Variants in SCN10A observed in about 807,000 individuals in gnomAD.
SCN10A encodes sodium channel protein type 10 subunit alpha.
In SCN10A, 162 loss-of-function variants were observed where a neutral mutation model predicts 170.7. The observed-to-expected ratio is 0.95, with a 90% CI of 0.84 to 1.08. The LOEUF (loss-of-function observed/expected upper bound fraction) is 1.08. Among genes scored for constraint, SCN10A ranks in the 50% least tolerant of loss-of-function variants. The pLI is 0.00. For synonymous variants in SCN10A, 985 were observed against 904.6 expected, an observed-to-expected ratio of 1.09 and a Z score of -1.59; for missense variants, 2,527 against 2,436.9, an observed-to-expected ratio of 1.04 and a Z score of -0.78.
chr3:38,803,931 GCCACTATCAC>G (rs1406245975), intron 1 of SCN10A, among the ~76,000 whole-genome samples: 1 of 152,072 alleles, frequency 6.6e-6, no homozygotes, highest in East Asian at 1.9e-4. Flanking sequence ...TGTAGCCCAA[GCCACTATCAC>G]CCACTTCCAT....
At chr3:38,746,097 A>ATATATATC (rs1559439571) in intron 13 of SCN10A, among the ~76,000 whole-genome samples, 4 of 87,132 alleles carry the variant, frequency 4.6e-5, no homozygotes, top group Non-Finnish European at 1.0e-4. Flanking sequence ...ATATATATAT[A>ATATATATC]TATGCCATCT....
rs748779730 is a variant in SCN10A, at chr3:38,722,266, CACTGCTGA to C, written c.3491_3498del (p.Leu1164ArgfsTer6). The stretch of plus-strand genomic sequence containing the variant: ...ACTATGCCTCCCCTTACCAGAGATC[CACTGCTGA>C]GCAGGATCATGAAGATGATGAAGCT... On this transcript the variant is annotated frameshift_variant, in exon 20 of 28. Coordinates refer to ENST00000449082, the MANE Select transcript of SCN10A (RefSeq NM_006514.4). LOFTEE classifies it high-confidence loss of function. 16 of 1,613,636 alleles carry C rather than the reference CACTGCTGA, an allele frequency of 9.9e-6. No individual in the cohort carries two copies. The highest frequency in any genetic ancestry group is 1.4e-5 in the Non-Finnish European group (16 of 1,179,740).
intron 18 of SCN10A, among the ~76,000 whole-genome samples, chr3:38,724,891 A>G (rs2063435763): frequency 6.6e-6 from 1 of 152,154 alleles, no homozygotes; most frequent in South Asian, 2.1e-4. Flanking sequence ...GAGGTTTGGG[A>G]ACTGATCTTA....
At chr3:38,719,996 C>A (rs1173313765) in intron 20 of SCN10A, among the ~76,000 whole-genome samples, 1 of 152,244 alleles carries the variant, frequency 6.6e-6, no homozygotes, top group African/African-American at 2.4e-5. Context: ...GCTGGGGCAG[C>A]CCTCAGCCAG....
chr3:38,772,730 C>A lies in SCN10A; in HGVS notation c.471-1323G>T, dbSNP rs6767286. On this transcript the variant is annotated intron_variant, in intron 4 of 27. Transcript: ENST00000449082. ...ACAGCAACAACAACAACAACAAAAA[C>A]AAAAACAAAAAAAAAAAAACCTGTA... Among the ~76,000 whole-genome samples the A allele has an allele frequency of 6.9e-3, 657 of 95,314 alleles. 9 individuals carry two copies. The highest frequency in any genetic ancestry group is 0.049 in the East Asian group (118 of 2,430). 62.5% of individuals were successfully genotyped at this position (95,314 alleles called of 152,430 possible).
intron 5 of SCN10A, among the ~76,000 whole-genome samples, chr3:38,767,560 T>C (rs1385596416): frequency 6.6e-6 from 1 of 152,100 alleles, no homozygotes; most frequent in Non-Finnish European, 1.5e-5. Context: ...AGGGTTTCTT[T>C]TGGAGTTAAC....
chr3:38,779,827 A>C (rs952397659), intron 4 of SCN10A, among the ~76,000 whole-genome samples: 3 of 151,832 alleles, frequency 2.0e-5, no homozygotes, highest in African/African-American at 7.3e-5. Flanking sequence ...TCATTTCATT[A>C]AATTTGGTTA....
At chr3:38,748,206 C>A (rs2063712562) in intron 13 of SCN10A, among the ~76,000 whole-genome samples, 1 of 151,930 alleles carries the variant, frequency 6.6e-6, no homozygotes, top group Non-Finnish European at 1.5e-5. Flanking sequence ...CCTATCTGGC[C>A]AAGAAAGAAA....
intron 25 of SCN10A, among the ~76,000 whole-genome samples, chr3:38,708,095 G>A (rs144106464): frequency 2.3e-4 from 35 of 152,262 alleles, no homozygotes; most frequent in African/African-American, 7.5e-4. Context: ...ACATGTTTAT[G>A]TAAGTTAGTC....
intron 13 of SCN10A, among the ~76,000 whole-genome samples, chr3:38,745,952 T>G (rs2063681434): frequency 6.6e-6 from 1 of 151,166 alleles, no homozygotes. Context: ...CTTCTCTTCT[T>G]ACTTCAACCC....
intron 22 of SCN10A, among the ~76,000 whole-genome samples, chr3:38,712,778 C>T (rs1040961531): frequency 6.6e-6 from 1 of 152,088 alleles, no homozygotes; most frequent in Non-Finnish European, 1.5e-5. Context: ...GACTTATTCT[C>T]CTTAAATACC....
chr3:38,795,370 T>C (rs11709828), intron 1 of SCN10A, among the ~76,000 whole-genome samples: 16,328 of 136,506 alleles, frequency 0.12, 1,133 homozygotes, highest in Middle Eastern at 0.22. Context: ...TGAGACAGGG[T>C]ATCACTGTCA....
At chr3:38,727,087 T>A (rs762493123) in intron 16 of SCN10A, 35 bp from the exon 17 acceptor site, 3 of 1,574,062 alleles carry the variant, frequency 1.9e-6, no homozygotes, top group Admixed American at 1.7e-5. Context: ...GATTGATCAA[T>A]CTCTAAGCTG....
At chr3:38,792,622 G>T (rs2064297730) in intron 2 of SCN10A, among the ~76,000 whole-genome samples, 1 of 152,192 alleles carries the variant, frequency 6.6e-6, no homozygotes, top group Non-Finnish European at 1.5e-5. Context: ...TCCCTCTGAG[G>T]ATTTAGGAGG....
At chr3:38,798,807 T>TTTTTTTTAA (rs2064355261) in intron 1 of SCN10A, among the ~76,000 whole-genome samples, 1 of 149,168 alleles carries the variant, frequency 6.7e-6, no homozygotes, top group Non-Finnish European at 1.5e-5. Flanking sequence ...TTTTTTTTTT[T>TTTTTTTTAA]GAGACAAGTT....
At chr3:38,799,537 A>T (rs1378210127) in intron 1 of SCN10A, among the ~76,000 whole-genome samples, 1 of 152,196 alleles carries the variant, frequency 6.6e-6, no homozygotes, top group Non-Finnish European at 1.5e-5. Flanking sequence ...AGTGACAGCC[A>T]ATCTTGAACG....
At chr3:38,746,742 A>C (rs1387269554) in intron 13 of SCN10A, among the ~76,000 whole-genome samples, 1 of 152,080 alleles carries the variant, frequency 6.6e-6, no homozygotes, top group Non-Finnish European at 1.5e-5. Flanking sequence ...GCCTGGGATA[A>C]TTCCCTGGCT....
At chr3:38,758,335 G>A (rs1009451886) in intron 8 of SCN10A, among the ~76,000 whole-genome samples, 11 of 152,132 alleles carry the variant, frequency 7.2e-5, no homozygotes, top group Non-Finnish European at 1.3e-4. Flanking sequence ...TAACTCTGAG[G>A]GCAGCCTTGT....
chr3:38,721,842 T>C (rs953329573), intron 20 of SCN10A, among the ~76,000 whole-genome samples: 1 of 152,242 alleles, frequency 6.6e-6, no homozygotes, highest in Non-Finnish European at 1.5e-5. Flanking sequence ...CTTTTTGTAT[T>C]GTAGGCCTTC....
Sources: gnomAD v4.1 joint callset for allele counts (sites outside exome capture counted in the v4.1 genomes callset) on GRCh38, gnomAD v4.1.1 for gene constraint, MANE v1.5 for transcripts, NCBI Gene and HGNC (gene_info 2026-07-23, HGNC 2026-07-21) for gene names.